Variants in MACF1 observed in about 807,000 individuals in gnomAD.
MACF1 encodes the protein microtubule-actin cross-linking factor 1.
MACF1 carries 193 observed loss-of-function variants against 854.8 expected under a neutral mutation model. The observed-to-expected ratio is 0.23, with a 90% confidence interval of 0.20 to 0.25. MACF1 has a LOEUF of 0.25. Ranked by LOEUF, MACF1 falls within the 10% of genes least tolerant of loss-of-function variation. The pLI is 1.00. For synonymous variants in MACF1, 3,185 were observed against 3,226.7 expected, an observed-to-expected ratio of 0.99 and a Z score of 0.44; for missense variants, 7,722 against 8,929.1, an observed-to-expected ratio of 0.86 and a Z score of 5.45.
rs191867521 is a variant in MACF1 at position 39,300,168 on chromosome 1, T to C, written c.2482-42T>C. On this transcript the variant is annotated intron_variant, in intron 21 of 100. Coordinates refer to ENST00000564288, the MANE Select transcript of MACF1 (RefSeq NM_001394062.1). ...TCTTTGTTGACTTAGTCACCCTGAG[T>C]AGCAGCATTAATGTCATTTTGTTTT... is the stretch of plus-strand genomic sequence containing the variant. The C allele has an allele frequency of 9.9e-5, 159 of 1,602,752 alleles. 1 individual carries two copies. The African/African-American group carries it at 2.0e-3, about 21-fold the overall frequency.
At chr1:39,098,070 C>T (rs1051719069) in intron 2 of MACF1, among the ~76,000 whole-genome samples, 2 of 152,196 alleles carry the variant, frequency 1.3e-5, no homozygotes, top group African/African-American at 4.8e-5. Flanking sequence ...CAGGGTAAGA[C>T]CCTGTCCTGC....
intron 2 of MACF1, among the ~76,000 whole-genome samples, chr1:39,149,379 C>G (rs1198381301): frequency 6.6e-6 from 1 of 151,784 alleles, no homozygotes; most frequent in African/African-American, 2.4e-5. Flanking sequence ...AAAAAATAGC[C>G]AGGCATGGCA....
chr1:39,140,914 CAAAAAAAAAAAAAAAA>C (rs34687844), intron 2 of MACF1, among the ~76,000 whole-genome samples: 1 of 48,270 alleles, frequency 2.1e-5, no homozygotes, highest in African/African-American at 8.8e-5. Flanking sequence ...GACTCTGTCT[CAAAAAAAAAAAAAAAA>C]AAAAAAAAAA....
intron 2 of MACF1, among the ~76,000 whole-genome samples, chr1:39,143,571 G>C (rs959817516): frequency 2.6e-5 from 4 of 152,114 alleles, no homozygotes; most frequent in Non-Finnish European, 5.9e-5. Context: ...CCTCATCCTG[G>C]AGGTTACTTA....
intron 95 of MACF1, chr1:39,467,854 T>C (rs1020058830): frequency 6.6e-6 from 1 of 152,226 alleles, no homozygotes; most frequent in African/African-American, 2.4e-5. Context: ...TTGCAAAGGT[T>C]TCCTTAAGGC....
intron 2 of MACF1, among the ~76,000 whole-genome samples, chr1:39,150,055 CCT>C (rs1643545782): frequency 6.6e-6 from 1 of 151,040 alleles, no homozygotes; most frequent in Admixed American, 6.6e-5. Flanking sequence ...AGACTGTCTC[CCT>C]CTGTCACCCA....
In MACF1 at chr1:39,477,959, CT is replaced by C. The variant is rs1272562353; in HGVS notation, c.21959-1825del. ...CAATTTCAAAGTTTTCCTCTTATAT[CT>C]TTTTTTTTTTTTTCCTGGCAGAGTT... On this transcript the variant is annotated intron_variant, in intron 97 of 100. Coordinates refer to ENST00000564288, the MANE Select transcript of MACF1 (RefSeq NM_001394062.1). Among the ~76,000 whole-genome samples the C allele has an allele frequency of 4.5e-3, 561 of 125,834 alleles. 2 individuals are homozygous for C. Among genetic ancestry groups the C allele is most frequent in the Admixed American group, 5.5e-3 (69 of 12,544 alleles). 82.6% of individuals were successfully genotyped at this position (125,834 alleles called of 152,430 possible). A position where few individuals can be genotyped will look rare whatever the true frequency, so the allele number is the denominator to read the frequency against.
Position 39,429,283 on chromosome 1 carries a change from T to C in MACF1, c.16845T>C (p.Asp5615=), listed in dbSNP as rs762842269. Residue 5615 remains aspartate, a synonymous_variant, in exon 64 of 101, where the codon GAT becomes GAC. Coordinates refer to ENST00000564288, the MANE Select transcript of MACF1 (RefSeq NM_001394062.1). ...TTGTTAATAGAAAGAAGAATGTAGA[T>C]CAAGCTATTAAAAATGGTCAGGCTC... The part of the protein sequence containing the change: ...EEIVNRKKNV[D]QAIKNGQALL... The C allele has an allele frequency of 3.8e-6, 6 of 1,588,050 alleles. No homozygotes were observed. The South Asian group carries it at 4.4e-5, about 12-fold the overall frequency.
chr1:39,386,437 C>CT (rs10707907), intron 57 of MACF1, among the ~76,000 whole-genome samples: 133 of 137,818 alleles, frequency 9.7e-4, no homozygotes, highest in Middle Eastern at 3.7e-3. Context: ...ATTTTTTTTT[C>CT]TTTTTTTTTT....
At chr1:39,422,601 A>G (rs371901723) in intron 59 of MACF1, 66 bp downstream of exon 59, 2 of 1,548,764 alleles carry the variant, frequency 1.3e-6, no homozygotes, top group African/African-American at 2.8e-5. Flanking sequence ...ATCTGAATCT[A>G]AGGTTTCCCG....
intron 1 of MACF1, among the ~76,000 whole-genome samples, chr1:39,221,063 C>G (rs1007085896): frequency 6.6e-6 from 1 of 152,036 alleles, no homozygotes; most frequent in Non-Finnish European, 1.5e-5. Context: ...AAGGTTGCTC[C>G]TAGTAGAGTA....
chr1:39,103,341 T>C, intron 2 of MACF1: 1 of 266,772 alleles, frequency 3.7e-6, no homozygotes, highest in Non-Finnish European at 7.3e-6. Context: ...TTCTATGTAG[T>C]GTAATGGACA....
chr1:39,190,395 G>GTTTTTTTTTTTTTTTTTTT lies in MACF1; in HGVS notation c.221-40782_221-40781insTTTTTTTTTTTTTTTTTTT, dbSNP rs750262685. Among the ~76,000 whole-genome samples the GTTTTTTTTTTTTTTTTTTT allele has an allele frequency of 6.3e-5, 5 of 79,038 alleles. 1 individual carries two copies. Among genetic ancestry groups the GTTTTTTTTTTTTTTTTTTT allele is most frequent in the Admixed American group, 1.8e-4 (1 of 5,520 alleles). The allele number at this position is 79,038 out of a possible 152,430, so 51.9% of individuals were successfully genotyped here. On this transcript the variant is annotated intron_variant, in intron 2 of 93. Transcript: ENST00000361689. The stretch of plus-strand genomic sequence containing the variant: ...TGTGTGTGTGTGTGTGTGTGTGTTT[G>GTTTTTTTTTTTTTTTTTTT]TTTTTGTTTTTTTTTTTTTTTTTTG...
intron 49 of MACF1, among the ~76,000 whole-genome samples, chr1:39,364,190 C>G (rs1648468870): frequency 6.6e-6 from 1 of 152,064 alleles, no homozygotes; most frequent in Admixed American, 6.6e-5. Context: ...TATTATCAAG[C>G]TTTTAATTTT....
intron 5 of MACF1, among the ~76,000 whole-genome samples, chr1:39,254,829 T>C (rs1357491578): frequency 6.6e-6 from 1 of 152,108 alleles, no homozygotes; most frequent in Non-Finnish European, 1.5e-5. Flanking sequence ...ATAACTTAAG[T>C]GAGCAGTTTA....
At chr1:39,276,109 A>G (rs1645431831) in intron 6 of MACF1, among the ~76,000 whole-genome samples, 1 of 151,914 alleles carries the variant, frequency 6.6e-6, no homozygotes, top group African/African-American at 2.4e-5. Flanking sequence ...TTGTAGAGAC[A>G]ATTTCTCACA....
intron 26 of MACF1, among the ~76,000 whole-genome samples, chr1:39,311,678 A>G (rs1646303843): frequency 6.6e-6 from 1 of 152,206 alleles, no homozygotes; most frequent in Admixed American, 6.5e-5. Flanking sequence ...AGTGTAGTGA[A>G]AGGAAAATAA....
chr1:39,336,544 C>CA lies in MACF1; in HGVS notation c.9957dup (p.Gln3320ThrfsTer11), dbSNP rs762891090. 1 of 1,614,054 alleles carries CA rather than the reference C, an allele frequency of 6.2e-7. No homozygotes were observed. Among genetic ancestry groups the CA allele is most frequent in the Non-Finnish European group, 8.5e-7 (1 of 1,180,004 alleles). On this transcript the variant is annotated frameshift_variant, in exon 37 of 101. Coordinates refer to ENST00000564288, the MANE Select transcript of MACF1 (RefSeq NM_001394062.1). LOFTEE classifies it high-confidence loss of function. ...TCTGCAGTGAAGACAGAGAAGACAC[C>CA]ACAGGAAAAGCTCAGAGAAAGCCCT...
intron 52 of MACF1, among the ~76,000 whole-genome samples, chr1:39,377,421 G>A (rs57609350): frequency 6.6e-6 from 1 of 152,110 alleles, no homozygotes. Flanking sequence ...TCAGATTTCT[G>A]TATAATATTT....
Sources: gnomAD v4.1 joint callset for allele counts (sites outside exome capture counted in the v4.1 genomes callset) on GRCh38, gnomAD v4.1.1 for gene constraint, MANE v1.5 for transcripts, NCBI Gene and HGNC (gene_info 2026-07-23, HGNC 2026-07-21) for gene names.